Variants in KALRN observed in about 807,000 individuals in gnomAD.
The protein encoded by KALRN is kalirin RhoGEF kinase.
Under a neutral mutation model 353.7 loss-of-function variants are expected in KALRN, and 70 were observed. That is an observed-to-expected ratio of 0.20 (90% CI 0.16 to 0.24). The LOEUF (loss-of-function observed/expected upper bound fraction) is 0.24, where lower values mean the gene tolerates loss of function less well. Among genes scored for constraint, KALRN ranks in the 10% least tolerant of loss-of-function variants. KALRN has a pLI of 1.00. For synonymous variants in KALRN, 1,391 were observed against 1,434.8 expected, an observed-to-expected ratio of 0.97 and a Z score of 0.69; for missense variants, 2,791 against 3,756.7, an observed-to-expected ratio of 0.74 and a Z score of 6.72.
chr3:124,198,598 A>G (rs2075666928), intron 1 of KALRN, among the ~76,000 whole-genome samples: 1 of 152,206 alleles, frequency 6.6e-6, no homozygotes, highest in African/African-American at 2.4e-5. Context: ...ACATCCCTCA[A>G]ACAAAAGTTC....
intron 33 of KALRN, among the ~76,000 whole-genome samples, chr3:124,515,136 C>G (rs1490159537): frequency 6.6e-6 from 1 of 152,188 alleles, no homozygotes; most frequent in Admixed American, 6.5e-5. Context: ...TAAACATGTT[C>G]TCCTTTTGTG....
intron 34 of KALRN, among the ~76,000 whole-genome samples, chr3:124,574,123 G>T (rs913582411): frequency 1.3e-5 from 2 of 152,180 alleles, no homozygotes; most frequent in Non-Finnish European, 2.9e-5. Context: ...GCTTTGTTCT[G>T]GTTGAGATGT....
At chr3:124,356,341 T>C (rs1371918671) in intron 10 of KALRN, among the ~76,000 whole-genome samples, 2 of 149,714 alleles carry the variant, frequency 1.3e-5, no homozygotes, top group African/African-American at 4.9e-5. Context: ...TTTTCTTTTT[T>C]TTTTTTTTTG....
Position 124,658,571 on chromosome 3 carries a change from C to T in KALRN, c.6123+54C>T, listed in dbSNP as rs554443053. 3 of 1,320,390 alleles carry T rather than the reference C, an allele frequency of 2.3e-6. No homozygotes were observed. The East Asian group carries it at 6.9e-5, about 30-fold the overall frequency. The allele number at this position is 1,320,390 out of a possible 1,614,324, so 81.8% of individuals were successfully genotyped here. A position where few individuals can be genotyped will look rare whatever the true frequency, so the allele number is the denominator to read the frequency against. ...GGTGGGAGGAAAACTCAGGCCAAAA[C>T]AGCCACTTTCAGAAATACCAGACGT... On this transcript the variant is annotated intron_variant, in intron 42 of 59. Coordinates refer to ENST00000682506, the MANE Select transcript of KALRN (RefSeq NM_001388419.1).
intron 15 of KALRN, 121 bp from the exon 16 acceptor site, chr3:124,430,535 C>A: frequency 1.7e-6 from 2 of 1,186,868 alleles, no homozygotes; most frequent in East Asian, 4.9e-5. Flanking sequence ...ATTTGCTGTC[C>A]TCTCTCCAAC....
chr3:124,324,591 T>A (rs2079682481), intron 6 of KALRN, among the ~76,000 whole-genome samples: 1 of 152,164 alleles, frequency 6.6e-6, no homozygotes, highest in African/African-American at 2.4e-5. Flanking sequence ...AAAAGAGAGA[T>A]GACACATAGG....
intron 1 of KALRN, among the ~76,000 whole-genome samples, chr3:124,173,968 A>T (rs934132007): frequency 1.3e-5 from 2 of 152,186 alleles, no homozygotes; most frequent in Non-Finnish European, 2.9e-5. Flanking sequence ...AGGCCTCAGA[A>T]ATCCCCATCA....
chr3:124,627,842 C>G (rs561080044), intron 34 of KALRN, among the ~76,000 whole-genome samples: 32 of 152,318 alleles, frequency 2.1e-4, no homozygotes, highest in African/African-American at 7.7e-4. Flanking sequence ...AAGATTACAG[C>G]TTTTTCCTTA....
At chr3:124,389,605 G>A (rs1435911960) in intron 11 of KALRN, among the ~76,000 whole-genome samples, 5 of 152,244 alleles carry the variant, frequency 3.3e-5, no homozygotes, top group South Asian at 2.1e-4. Context: ...GGGTGATTTC[G>A]TTAAACAAAT....
At chr3:124,490,429 A>G (rs1295518881) in intron 29 of KALRN, among the ~76,000 whole-genome samples, 1 of 152,140 alleles carries the variant, frequency 6.6e-6, no homozygotes, top group African/African-American at 2.4e-5. Context: ...GTGAGGTTGC[A>G]TAGGACCTTT....
At chr3:124,135,178 A>G (rs1210892125) in intron 1 of KALRN, among the ~76,000 whole-genome samples, 3 of 152,252 alleles carry the variant, frequency 2.0e-5, no homozygotes, top group African/African-American at 7.2e-5. Flanking sequence ...TATACATATG[A>G]TGGAATACTA....
At chr3:124,381,228 G>C (rs2149894654) in intron 10 of KALRN, among the ~76,000 whole-genome samples, 1 of 152,300 alleles carries the variant, frequency 6.6e-6, no homozygotes, top group Middle Eastern at 3.4e-3. Context: ...TCAAATAGAA[G>C]AGTGAAGGGA....
At chr3:124,071,504 G>A (rs1247458436) in intron 1 of KALRN, among the ~76,000 whole-genome samples, 1 of 152,160 alleles carries the variant, frequency 6.6e-6, no homozygotes, top group African/African-American at 2.4e-5. Context: ...TAGTCTATCT[G>A]TGCTTCTATA....
chr3:124,422,707 G>C (rs970865353), intron 14 of KALRN, 105 bp from the exon 15 acceptor site: 42 of 905,568 alleles, frequency 4.6e-5, no homozygotes, highest in Middle Eastern at 3.3e-4. Flanking sequence ...GGGAGGGTAT[G>C]AATAATGGCT....
chr3:124,600,926 G>T (rs1250848268), intron 34 of KALRN, among the ~76,000 whole-genome samples: 4 of 152,156 alleles, frequency 2.6e-5, no homozygotes, highest in Non-Finnish European at 5.9e-5. Flanking sequence ...TCATAAACAG[G>T]GCTATGACTA....
chr3:124,296,453 C>T (rs1238625704), intron 5 of KALRN, among the ~76,000 whole-genome samples: 2 of 152,198 alleles, frequency 1.3e-5, no homozygotes, highest in African/African-American at 4.8e-5. Context: ...GCCAATTTCT[C>T]AGACTCTACT....
chr3:124,517,033 G>T (rs962253269), intron 33 of KALRN, among the ~76,000 whole-genome samples: 5 of 152,252 alleles, frequency 3.3e-5, no homozygotes, highest in East Asian at 3.9e-4. Flanking sequence ...GGCCAGGTTA[G>T]TCTCGAACGC....
intron 45 of KALRN, among the ~76,000 whole-genome samples, chr3:124,666,220 G>A (rs1217988577): frequency 1.3e-5 from 2 of 152,124 alleles, no homozygotes; most frequent in African/African-American, 2.4e-5. Context: ...CAGTGGTTCC[G>A]CAGCTTGCTT....
rs1339871131 is a variant in KALRN at position 124,673,392 on chromosome 3, A to AAAC, written c.6943-969_6943-967dup. ...CATAGCAAGACCGTGTCTCAAAAAC[A>AAAC]AACAAAAAGTATATACTGAAGAATT... On this transcript the variant is annotated intron_variant, in intron 48 of 59. Transcript: ENST00000682506. Among the ~76,000 whole-genome samples, 3 of 151,494 alleles carry AAAC rather than the reference A, an allele frequency of 2.0e-5. 1 individual carries two copies. The highest frequency in any genetic ancestry group is 4.4e-5 in the Non-Finnish European group (3 of 67,930).
Sources: allele counts gnomAD v4.1 joint callset (sites outside exome capture counted in the v4.1 genomes callset), GRCh38; gene constraint gnomAD v4.1.1; transcripts MANE v1.5; gene names NCBI Gene and HGNC (gene_info 2026-07-23, HGNC 2026-07-21).